The following HSPB7 variants were observed in gnomAD, a reference collection of about 807,000 sequenced individuals.
HSPB7 encodes the protein heat shock protein beta-7.
A neutral mutation model predicts 11.0 loss-of-function variants in HSPB7; 9 were observed. The observed-to-expected ratio is 0.82, with a 90% CI of 0.49 to 1.43. The LOEUF is 1.43. Among genes scored for constraint, HSPB7 ranks in the 40% most tolerant of loss-of-function variants. The probability of loss-of-function intolerance (pLI) is 0.00; values close to 1 mark genes in which losing one functional copy is unlikely to be tolerated. For missense variants in HSPB7, 246 were observed against 243.9 expected (o/e 1.01, Z -0.06); for synonymous variants, 102 against 101.6 (o/e 1.00, Z -0.02).
chr1:16,018,202 A>G (rs1183122578), upstream of HSPB7: 4 of 1,498,538 alleles, frequency 2.7e-6, no homozygotes, highest in Non-Finnish European at 3.6e-6. Context: ...ACGCAGGCCG[A>G]GAGGGCTGAG....
rs941403848 is a variant in HSPB7, at chr1:16,015,469, C to T, written c.*111G>A. On this transcript the variant is annotated 3_prime_UTR_variant, in exon 3 of 3. Transcript: ENST00000311890. The surrounding 1 kb of genome is among the most constrained non-coding windows in gnomAD (Gnocchi z 4.9). ...GATGGTCCACCTGGGGTCTGGGGTG[C>T]GTGGGGGCTAGAACCTGGGCTGAGA... 50 of 1,039,004 alleles carry T rather than the reference C, an allele frequency of 4.8e-5. No individual in the cohort carries two copies. Among genetic ancestry groups the T allele is most frequent in the Non-Finnish European group, 7.0e-5 (49 of 698,444 alleles). The allele number at this position is 1,039,004 out of a possible 1,614,324, so 64.4% of individuals were successfully genotyped here.
intron 2 of HSPB7, among the ~76,000 whole-genome samples, chr1:16,016,045 C>T (rs777197001): frequency 1.3e-5 from 2 of 152,210 alleles, no homozygotes; most frequent in African/African-American, 4.8e-5. Flanking sequence ...GCAGTGGCTC[C>T]GAATCTGGGG....
Position 16,015,472 on chromosome 1 carries a change from G to C in HSPB7, c.*108C>G. ...GGTCCACCTGGGGTCTGGGGTGCGT[G>C]GGGGCTAGAACCTGGGCTGAGATGT... On this transcript the variant is annotated 3_prime_UTR_variant, in exon 3 of 3. Coordinates refer to ENST00000311890, the MANE Select transcript of HSPB7 (RefSeq NM_014424.5). This position sits in a 1 kb window ranked among gnomAD's most constrained non-coding sequence, Gnocchi z 4.9. The C allele has an allele frequency of 2.7e-6, 3 of 1,096,902 alleles. No individual in the cohort carries two copies. The highest frequency in any genetic ancestry group is 4.0e-6 in the Non-Finnish European group (3 of 747,504). The allele number at this position is 1,096,902 out of a possible 1,614,324, so 67.9% of individuals were successfully genotyped here. A position where few individuals can be genotyped will look rare whatever the true frequency, so the allele number is the denominator to read the frequency against.
chr1:16,017,702 C>T (rs1470319062), intron 1 of HSPB7, 63 bp downstream of exon 1: 13 of 1,395,088 alleles, frequency 9.3e-6, no homozygotes, highest in East Asian at 7.5e-5. Context: ...CCTTCGGTGG[C>T]GCCCTGGAGC....
chr1:16,017,658 A>G, intron 1 of HSPB7, 107 bp downstream of exon 1: 1 of 889,122 alleles, frequency 1.1e-6, no homozygotes, highest in Middle Eastern at 3.0e-4. Context: ...CAGGCTGTGC[A>G]GCACCTGTTC....
At chr1:16,017,535 C>T (rs2021838962) in intron 1 of HSPB7, 3 of 591,910 alleles carry the variant, frequency 5.1e-6, no homozygotes, top group Non-Finnish European at 8.9e-6. Context: ...GCATGGGTGG[C>T]CATGGAACCA....
At chr1:16,018,471 G>A (rs1013021245), upstream of HSPB7, 14 of 1,136,846 alleles carry the variant, frequency 1.2e-5, no homozygotes, top group African/African-American at 1.2e-4. Flanking sequence ...CAGGGTAGGT[G>A]GAAGCACCAC....
chr1:16,015,626 T>C lies in HSPB7; in HGVS notation c.467A>G (p.His156Arg). The C allele has an allele frequency of 6.2e-7, 1 of 1,614,064 alleles. No individual in the cohort carries two copies. Among genetic ancestry groups the C allele is most frequent in the Non-Finnish European group, 8.5e-7 (1 of 1,179,972 alleles). The change falls in exon 3 of 3, where the codon CAT becomes CGT. Residue 156 changes from histidine to arginine, a missense_variant. Transcript: ENST00000311890. The surrounding 1 kb of genome is among the most constrained non-coding windows in gnomAD (Gnocchi z 4.9). ...GAAGGTCTGCTGGACGTGTTCTGTA[T>C]GCGGGTGACGCCGTGCCCGGATAGT... Reference protein sequence around the residue: ...SLTIRARRHPHTEHVQQTFRT... With the variant: ...SLTIRARRHPRTEHVQQTFRT...
At chr1:16,019,378 G>T, upstream of HSPB7, 1 of 1,483,074 alleles carries the variant, frequency 6.7e-7, no homozygotes, top group Non-Finnish European at 9.2e-7. Flanking sequence ...GTGTGACATA[G>T]TCTTCCTGTG....
chr1:16,017,179 CT>C lies in HSPB7; in HGVS notation c.227del (p.Lys76ArgfsTer3). The C allele has an allele frequency of 6.2e-6, 10 of 1,613,608 alleles. No homozygotes were observed. The highest frequency in any genetic ancestry group is 7.6e-6 in the Non-Finnish European group (9 of 1,179,608). On this transcript the variant is annotated frameshift_variant, in exon 2 of 3. Transcript: ENST00000311890. LOFTEE classifies it high-confidence loss of function. ...PARPGGAGNI[K>X]TLGDAYEFAV... ...CAAACTCATAGGCGTCTCCTAGGGT[CT>C]TGATGTTGCCTGCCCCACCGGGGCG...
At chr1:16,016,951 G>A in intron 2 of HSPB7, 123 bp downstream of exon 2, 4 of 979,052 alleles carry the variant, frequency 4.1e-6, no homozygotes, top group Non-Finnish European at 4.6e-6. Context: ...TAGCCCTGGG[G>A]GAGTTTGGGT....
chr1:16,018,807 A>G (rs979078065), upstream of HSPB7: 156 of 1,176,142 alleles, frequency 1.3e-4, no homozygotes, highest in Non-Finnish European at 1.5e-4. Flanking sequence ...CCGGAAGACA[A>G]TTATTCTAGC....
At chr1:16,018,974 C>G (rs963611846), upstream of HSPB7, 1 of 996,426 alleles carries the variant, frequency 1.0e-6, no homozygotes, top group Non-Finnish European at 1.4e-6. Flanking sequence ...CTCGCAGTTG[C>G]GTAAGTGGCA....
In HSPB7 at chr1:16,015,426, A is replaced by C; in HGVS notation, c.*154T>G. Reference sequence around the variant, plus strand: ...CCCTGGCCTGCCCTGGATAGAGTGGAGGGCCCTAGTTTGGGAGGATGGTCC... The same window carrying C: ...CCCTGGCCTGCCCTGGATAGAGTGGCGGGCCCTAGTTTGGGAGGATGGTCC... On this transcript the variant is annotated 3_prime_UTR_variant, in exon 3 of 3. Transcript: ENST00000311890. The surrounding 1 kb of genome is among the most constrained non-coding windows in gnomAD (Gnocchi z 4.9). 7.7e-6 allele frequency: 5 copies of C among 650,866 alleles called. No homozygotes were observed. Among genetic ancestry groups the C allele is most frequent in the Admixed American group, 2.7e-5 (1 of 37,396 alleles). The allele number at this position is 650,866 out of a possible 1,614,324, so 40.3% of individuals were successfully genotyped here. A position where few individuals can be genotyped will look rare whatever the true frequency, so the allele number is the denominator to read the frequency against.
chr1:16,016,619 G>T (rs1334891070), intron 2 of HSPB7, among the ~76,000 whole-genome samples: 2 of 152,168 alleles, frequency 1.3e-5, no homozygotes, highest in East Asian at 3.9e-4. Flanking sequence ...AGCTGTGGGA[G>T]GGAAGAGGGC....
chr1:16,017,696 C>G, intron 1 of HSPB7, 69 bp downstream of exon 1: 1 of 1,353,714 alleles, frequency 7.4e-7, no homozygotes, highest in Non-Finnish European at 1.0e-6. Flanking sequence ...ACAGCGCCTT[C>G]GGTGGCGCCC....
chr1:16,017,437 AC>A, intron 1 of HSPB7: 1 of 595,516 alleles, frequency 1.7e-6, no homozygotes. Flanking sequence ...TAACAACCCC[AC>A]CCCAGGCCTG....
chr1:16,018,450 C>T, upstream of HSPB7: 1 of 1,153,224 alleles, frequency 8.7e-7, no homozygotes, highest in Non-Finnish European at 1.1e-6. Flanking sequence ...AGTGTGCAGG[C>T]TCCTTGGGGA....
At chr1:16,019,253 C>T (rs1304791363), upstream of HSPB7, 2 of 1,540,046 alleles carry the variant, frequency 1.3e-6, no homozygotes, top group Admixed American at 2.0e-5. Flanking sequence ...CCCAGATCAG[C>T]TCCAATGCCT....
Sources: allele counts gnomAD v4.1 joint callset (sites outside exome capture counted in the v4.1 genomes callset), GRCh38; gene constraint gnomAD v4.1.1; non-coding constraint Gnocchi (gnomAD v3.1); transcripts MANE v1.5; gene names NCBI Gene and HGNC (gene_info 2026-07-23, HGNC 2026-07-21).